NUDT6: variants seen among roughly 807,000 people sequenced by gnomAD.
NUDT6 encodes FAD diphosphatase NUDT6.
In NUDT6, 24 loss-of-function variants were observed where a neutral mutation model predicts 36.8. The ratio of observed to expected loss-of-function variants is 0.65; its 90% CI spans 0.47 to 0.92. The LOEUF (loss-of-function observed/expected upper bound fraction) is 0.92, where lower values mean the gene tolerates loss of function less well. Ranked by LOEUF, NUDT6 falls within the 40% of genes least tolerant of loss-of-function variation. The probability of loss-of-function intolerance (pLI) is 0.00; values close to 1 mark genes in which losing one functional copy is unlikely to be tolerated. For synonymous variants in NUDT6, 163 were observed against 157.0 expected, an observed-to-expected ratio of 1.04 and a Z score of -0.29; for missense variants, 388 against 392.8, an observed-to-expected ratio of 0.99 and a Z score of 0.10.
chr4:122,912,846 G>A (rs1727757887), intron 2 of NUDT6, among the ~76,000 whole-genome samples: 1 of 152,128 alleles, frequency 6.6e-6, no homozygotes, highest in Admixed American at 6.5e-5. Flanking sequence ...CCTGGGGATA[G>A]GACCCAAGTT....
chr4:122,915,471 A>AAAAAAAAAAAAAC lies in NUDT6; in HGVS notation c.442+2029_442+2030insGTTTTTTTTTTTT, dbSNP rs1314081256. Reference sequence around the variant, plus strand: ...GGTGACAAAGTGAGACCCTGCCTCAAAAAAAAAAAAAAAAAAAAAAAAAAA... The same window carrying AAAAAAAAAAAAAC: ...GGTGACAAAGTGAGACCCTGCCTCAAAAAAAAAAAAAACAAAAAAAAAAAAAAAAAAAAAAAAA... On this transcript the variant is annotated intron_variant, in intron 2 of 4. Coordinates refer to ENST00000304430, the MANE Select transcript of NUDT6 (RefSeq NM_007083.5). 6.6e-4 allele frequency among the ~76,000 whole-genome samples: 12 copies of AAAAAAAAAAAAAC among 18,090 alleles called. 1 individual carries two copies. Among genetic ancestry groups the AAAAAAAAAAAAAC allele is most frequent in the African/African-American group, 2.2e-3 (12 of 5,478 alleles). 11.9% of individuals were successfully genotyped at this position (18,090 alleles called of 152,430 possible). A position where few individuals can be genotyped will look rare whatever the true frequency, so the allele number is the denominator to read the frequency against.
chr4:122,912,695 T>G, intron 2 of NUDT6, 72 bp from the exon 3 acceptor site: 9 of 941,136 alleles, frequency 9.6e-6, no homozygotes, highest in Non-Finnish European at 1.5e-5. Flanking sequence ...CCACACTCTC[T>G]ATCTGTGGTG....
At chr4:122,900,358 GA>G (rs1727496126) in intron 3 of NUDT6, among the ~76,000 whole-genome samples, 1 of 126,236 alleles carries the variant, frequency 7.9e-6, no homozygotes, top group African/African-American at 3.7e-5. Flanking sequence ...TTTTCCTTCG[GA>G]AATCCTTTTC....
At chr4:122,897,705 T>C (rs113287409) in intron 3 of NUDT6, 27 bp from the exon 4 acceptor site, 124 of 1,487,808 alleles carry the variant, frequency 8.3e-5, no homozygotes, top group Non-Finnish European at 1.1e-4. Context: ...GAAAATAAAG[T>C]TAACATAACT....
At chr4:122,912,681 C>T in intron 2 of NUDT6, 58 bp from the exon 3 acceptor site, 1 of 1,065,378 alleles carries the variant, frequency 9.4e-7, no homozygotes, top group Non-Finnish European at 1.5e-6. Flanking sequence ...ACCTTAATCT[C>T]CTCCCACACT....
At chr4:122,916,747 G>C (rs1254232609) in intron 2 of NUDT6, among the ~76,000 whole-genome samples, 1 of 152,120 alleles carries the variant, frequency 6.6e-6, no homozygotes, top group Non-Finnish European at 1.5e-5. Context: ...CCCTTGTCCA[G>C]TTTTGCTTTC....
chr4:122,913,793 C>G (rs895245202), intron 2 of NUDT6, among the ~76,000 whole-genome samples: 1 of 151,578 alleles, frequency 6.6e-6, no homozygotes, highest in African/African-American at 2.4e-5. Context: ...AAAATATTTC[C>G]CTTTGGGCAA....
chr4:122,920,145 A>G (rs548481631), intron 1 of NUDT6: 7 of 152,234 alleles, frequency 4.6e-5, no homozygotes, highest in Non-Finnish European at 8.8e-5. Flanking sequence ...TTCTTAGTCC[A>G]TAAAGACTAA....
intron 3 of NUDT6, 103 bp downstream of exon 3, chr4:122,912,465 A>T: frequency 1.3e-6 from 1 of 784,160 alleles, no homozygotes; most frequent in Non-Finnish European, 2.1e-6. Context: ...TTTTTAAAAT[A>T]CCTTTCTATA....
At position 122,892,608 on chromosome 4, in the gene NUDT6, C is replaced by T; in HGVS notation, c.*220G>A. On this transcript the variant is annotated 3_prime_UTR_variant, in exon 5 of 5. Coordinates refer to ENST00000304430, the MANE Select transcript of NUDT6 (RefSeq NM_007083.5). ...GTATATTCTCCCTTTTATATTGCAT[C>T]TGCTGTTACCCAGTGAAGCTTACCT... 1 of 1,434,720 alleles carries T rather than the reference C, an allele frequency of 7.0e-7. No individual in the cohort carries two copies. 88.9% of individuals were successfully genotyped at this position (1,434,720 alleles called of 1,614,324 possible). A position where few individuals can be genotyped will look rare whatever the true frequency, so the allele number is the denominator to read the frequency against.
chr4:122,909,075 TTTTTTCTTGAGACAGGGTC>T (rs1727679903), intron 3 of NUDT6, among the ~76,000 whole-genome samples: 1 of 152,032 alleles, frequency 6.6e-6, no homozygotes, highest in African/African-American at 2.4e-5. Context: ...CAGCTTTTTT[TTTTTTCTTGAGACAGGGTC>T]TTACTCTGTC....
chr4:122,919,959 A>G (rs1354421034), intron 1 of NUDT6: 4 of 152,252 alleles, frequency 2.6e-5, no homozygotes, highest in Non-Finnish European at 5.9e-5. Context: ...GGTGAGTGGC[A>G]TAGCAGGGAC....
chr4:122,901,006 C>T (rs888221408), intron 3 of NUDT6, among the ~76,000 whole-genome samples: 2 of 152,088 alleles, frequency 1.3e-5, no homozygotes, highest in South Asian at 4.1e-4. Context: ...GTTCTCCCTT[C>T]CTATAAAAGA....
At chr4:122,922,297 C>G in intron 1 of NUDT6, 38 bp downstream of exon 1, 2 of 1,555,532 alleles carry the variant, frequency 1.3e-6, no homozygotes, top group Non-Finnish European at 1.7e-6. Flanking sequence ...TAGAAAAGCT[C>G]TGGAGCCCCG....
At chr4:122,896,060 T>C (rs1727340725) in intron 4 of NUDT6, 1 of 152,672 alleles carries the variant, frequency 6.5e-6, no homozygotes, top group Non-Finnish European at 1.5e-5. Context: ...GGCAAAGCTT[T>C]AATTTACACT....
chr4:122,906,098 A>T (rs1221498236), intron 3 of NUDT6, among the ~76,000 whole-genome samples: 1 of 152,090 alleles, frequency 6.6e-6, no homozygotes, highest in Non-Finnish European at 1.5e-5. Flanking sequence ...CTGTTAGGGG[A>T]TTGGCTTTGA....
chr4:122,911,604 T>C (rs1161973102), intron 3 of NUDT6, among the ~76,000 whole-genome samples: 1 of 152,186 alleles, frequency 6.6e-6, no homozygotes, highest in African/African-American at 2.4e-5. Flanking sequence ...TAGTTTTAGA[T>C]AGCATTTCCA....
chr4:122,905,699 C>A (rs13125068), intron 3 of NUDT6, among the ~76,000 whole-genome samples: 2,380 of 152,320 alleles, frequency 0.016, 33 homozygotes, highest in Non-Finnish European at 0.025. Flanking sequence ...ATAAGTCACT[C>A]AGTGCCTAAC....
intron 3 of NUDT6, 177 bp from the exon 4 acceptor site, chr4:122,897,855 G>A: frequency 1.7e-6 from 1 of 588,470 alleles, no homozygotes; most frequent in Non-Finnish European, 3.1e-6. Flanking sequence ...TTTTTTGGGG[G>A]AGCTGGTAAC....
Sources: gnomAD v4.1 joint callset for allele counts (sites outside exome capture counted in the v4.1 genomes callset) on GRCh38, gnomAD v4.1.1 for gene constraint, MANE v1.5 for transcripts, NCBI Gene and HGNC (gene_info 2026-07-23, HGNC 2026-07-21) for gene names.